MAEL: variants seen among roughly 807,000 people sequenced by gnomAD.
The protein encoded by MAEL is protein maelstrom homolog.
Under a neutral mutation model 62.0 loss-of-function variants are expected in MAEL, and 46 were observed. That is an observed-to-expected ratio of 0.74 (90% CI 0.59 to 0.95). The LOEUF (loss-of-function observed/expected upper bound fraction) is 0.95, where lower values mean the gene tolerates loss of function less well. MAEL is among the 40% of genes least tolerant of loss of function. MAEL has a pLI of 0.00. For missense variants in MAEL, 497 were observed against 526.8 expected (o/e 0.94, Z 0.55); for synonymous variants, 172 against 175.5 (o/e 0.98, Z 0.16).
rs1664793128 is a variant in MAEL, at chr1:167,004,216, A to G, written c.560A>G (p.Glu187Gly). The change falls in exon 6 of 12, where the codon GAA becomes GGA. Residue 187 changes from glutamate to glycine, a missense_variant. Physicochemically the swap from Glu to Gly is moderately conservative, Grantham distance 98 (BLOSUM62 -2). Coordinates refer to ENST00000367872, the MANE Select transcript of MAEL (RefSeq NM_032858.3). ...CACAAGATTCCTATTTCAAATTTTG[A>G]ACGTGGGCATAACCAAGCAACTGTG... Reference protein sequence around the residue: ...SSHKIPISNFERGHNQATVLQ... With the variant: ...SSHKIPISNFGRGHNQATVLQ... 6.2e-7 allele frequency: 1 copy of G among 1,609,686 alleles called. No homozygotes were observed. Among genetic ancestry groups the G allele is most frequent in the African/African-American group, 1.3e-5 (1 of 74,758 alleles).
intron 4 of MAEL, 52 bp downstream of exon 4, chr1:166,992,893 TA>T: frequency 2.9e-6 from 4 of 1,392,526 alleles, no homozygotes; most frequent in Admixed American, 2.6e-5. Context: ...TTTTTTTTTT[TA>T]AATCTTGACT....
intron 8 of MAEL, among the ~76,000 whole-genome samples, chr1:167,011,081 G>GCT (rs1665153150): frequency 6.6e-6 from 1 of 151,786 alleles, no homozygotes; most frequent in African/African-American, 2.4e-5. Context: ...TATAGTCAGT[G>GCT]CTCTGATCTA....
At position 166,989,334 on chromosome 1, in the gene MAEL, G is replaced by T; in HGVS notation, c.-19G>T. The stretch of plus-strand genomic sequence containing the variant: ...GGTGCTTTGTTCTGTCTGAGGCCAG[G>T]AAGTTTGACCGCGCTGCCATGCCGA... On this transcript the variant is annotated 5_prime_UTR_variant, in exon 1 of 12. Coordinates refer to ENST00000367872, the MANE Select transcript of MAEL (RefSeq NM_032858.3). 5 of 1,605,506 alleles carry T rather than the reference G, an allele frequency of 3.1e-6. No homozygotes were observed. Among genetic ancestry groups the T allele is most frequent in the Non-Finnish European group, 3.4e-6 (4 of 1,176,280 alleles).
intron 8 of MAEL, among the ~76,000 whole-genome samples, chr1:167,009,900 C>G (rs1303435507): frequency 6.6e-6 from 1 of 151,462 alleles, no homozygotes; most frequent in African/African-American, 2.4e-5. Context: ...TTGTTTATTT[C>G]TGTTTCTAGT....
upstream of MAEL, among the ~76,000 whole-genome samples, chr1:166,986,557 C>CT (rs1163782984): frequency 6.6e-6 from 1 of 151,934 alleles, no homozygotes; most frequent in Non-Finnish European, 1.5e-5. Flanking sequence ...AAAACAAGTA[C>CT]ACTAAAATTT....
At chr1:167,001,532 T>A (rs1571257171) in intron 5 of MAEL, among the ~76,000 whole-genome samples, 1 of 152,348 alleles carries the variant, frequency 6.6e-6, no homozygotes, top group East Asian at 1.9e-4. Context: ...ATGTTCATTT[T>A]TAAAACAATG....
chr1:166,986,918 A>C (rs564010475), upstream of MAEL, among the ~76,000 whole-genome samples: 2 of 150,040 alleles, frequency 1.3e-5, no homozygotes, highest in Admixed American at 6.7e-5. Context: ...GGAAGGCATA[A>C]ATAATTAGGA....
At chr1:167,009,764 G>T (rs533669770) in intron 8 of MAEL, among the ~76,000 whole-genome samples, 1 of 151,888 alleles carries the variant, frequency 6.6e-6, no homozygotes, top group African/African-American at 2.4e-5. Context: ...GCTTTCTTCA[G>T]TTTCTCTTAT....
intron 1 of MAEL, among the ~76,000 whole-genome samples, chr1:166,976,267 C>T (rs1172481064): frequency 6.6e-6 from 1 of 152,162 alleles, no homozygotes; most frequent in African/African-American, 2.4e-5. Context: ...TCTTGTGTCT[C>T]AAAATGTATG....
At chr1:167,013,671 G>T (rs1482169766) in intron 8 of MAEL, among the ~76,000 whole-genome samples, 1 of 152,074 alleles carries the variant, frequency 6.6e-6, no homozygotes, top group Non-Finnish European at 1.5e-5. Flanking sequence ...CATGTTGCAG[G>T]CTTTTCTTGA....
At chr1:167,016,878 G>T (rs1216263884) in intron 9 of MAEL, among the ~76,000 whole-genome samples, 1 of 152,052 alleles carries the variant, frequency 6.6e-6, no homozygotes, top group South Asian at 2.1e-4. Context: ...AATAAGCCAG[G>T]CACAGGAAAA....
chr1:166,986,873 TAAAC>T (rs141979184), upstream of MAEL, among the ~76,000 whole-genome samples: 81 of 150,034 alleles, frequency 5.4e-4, no homozygotes, highest in East Asian at 0.011. Context: ...ATCAATAAAA[TAAAC>T]AAAATTTGGC....
In MAEL at chr1:166,989,464, T is replaced by C; in HGVS notation, c.112T>C (p.Tyr38His). Residue 38 changes from tyrosine to histidine, a missense_variant, in exon 1 of 12, where the codon TAC becomes CAC. Tyr to His is a moderately conservative substitution (Grantham distance 83). Coordinates refer to ENST00000367872, the MANE Select transcript of MAEL (RefSeq NM_032858.3). ...PVARVADAIP[Y>H]CSSDWALLRE... ...GGCTCGCGTTGCTGATGCCATCCCTTACTGCTCCTCAGACTGGGCGGTAAG... is the reference window on the plus strand; with the variant it reads ...GGCTCGCGTTGCTGATGCCATCCCTCACTGCTCCTCAGACTGGGCGGTAAG... 1 of 1,587,156 alleles carries C rather than the reference T, an allele frequency of 6.3e-7. No homozygotes were observed. Among genetic ancestry groups the C allele is most frequent in the Non-Finnish European group, 8.6e-7 (1 of 1,166,912 alleles).
At chr1:166,977,262 A>AT (rs1341686093) in intron 1 of MAEL, among the ~76,000 whole-genome samples, 6 of 152,072 alleles carry the variant, frequency 3.9e-5, no homozygotes, top group South Asian at 2.1e-4. Context: ...GGCCAGGATG[A>AT]TTTTTTCATG....
chr1:166,980,356 T>C (rs1397604506), intron 1 of MAEL, among the ~76,000 whole-genome samples: 1 of 152,134 alleles, frequency 6.6e-6, no homozygotes, highest in Admixed American at 6.6e-5. Flanking sequence ...AATATTTCTA[T>C]AATATAGGAA....
intron 8 of MAEL, 99 bp downstream of exon 8, chr1:167,005,496 A>T (rs1209490264): frequency 3.0e-6 from 3 of 1,014,036 alleles, no homozygotes; most frequent in Admixed American, 2.7e-5. Context: ...ATATTTTCCC[A>T]TGAAAGCTTG....
At position 166,989,288 on chromosome 1, in the gene MAEL, C is replaced by T. The variant is rs1664044063; in HGVS notation, c.-65C>T. On this transcript the variant is annotated 5_prime_UTR_variant, in exon 1 of 12. Coordinates refer to ENST00000367872, the MANE Select transcript of MAEL (RefSeq NM_032858.3). ...AGGCGCCTACCTCTGTTACTTAGGG[C>T]GGGAGCCCGGCGAGGGCGCCGGTGC... The T allele has an allele frequency of 1.9e-6, 3 of 1,549,574 alleles. No homozygotes were observed. The highest frequency in any genetic ancestry group is 2.3e-5 in the East Asian group (1 of 42,612).
chr1:166,987,924 A>T (rs1472374887), upstream of MAEL, among the ~76,000 whole-genome samples: 1 of 152,212 alleles, frequency 6.6e-6, no homozygotes, highest in African/African-American at 2.4e-5. Flanking sequence ...TATACAGTTC[A>T]ATATTACTAT....
intron 5 of MAEL, among the ~76,000 whole-genome samples, chr1:166,996,360 C>T (rs916472458): frequency 1.3e-5 from 2 of 152,176 alleles, no homozygotes; most frequent in African/African-American, 2.4e-5. Context: ...TTCTCCTTCC[C>T]CACTTTAACC....
Sources: allele counts gnomAD v4.1 joint callset (sites outside exome capture counted in the v4.1 genomes callset), GRCh38; gene constraint gnomAD v4.1.1; transcripts MANE v1.5; gene names NCBI Gene and HGNC (gene_info 2026-07-23, HGNC 2026-07-21).